The following PEDS1 variants were observed in gnomAD, a reference collection of about 807,000 sequenced individuals.
The protein encoded by PEDS1 is plasmanylethanolamine desaturase 1, also known as CarF homolog.
A neutral mutation model predicts 35.2 loss-of-function variants in PEDS1; 14 were observed. The observed-to-expected ratio is 0.40, with a 90% CI of 0.26 to 0.62. The LOEUF (loss-of-function observed/expected upper bound fraction) is 0.62. Among genes scored for constraint, PEDS1 ranks in the 20% least tolerant of loss-of-function variants. The probability of loss-of-function intolerance (pLI) is 0.44; values close to 1 mark genes in which losing one functional copy is unlikely to be tolerated. For synonymous variants in PEDS1, 152 were observed against 152.0 expected (o/e 1.00, Z 0.00); for missense variants, 260 against 367.8 (o/e 0.71, Z 2.40).
intron 1 of PEDS1, among the ~76,000 whole-genome samples, chr20:50,148,046 T>C (rs929131908): frequency 2.0e-5 from 3 of 152,130 alleles, no homozygotes; most frequent in Non-Finnish European, 4.4e-5. Flanking sequence ...GCCGAGATCG[T>C]GCCACTGTAC....
chr20:50,135,011 C>T (rs1050089982), intron 2 of PEDS1, among the ~76,000 whole-genome samples: 2 of 151,010 alleles, frequency 1.3e-5, no homozygotes, highest in African/African-American at 4.9e-5. Context: ...GGTGAAACCC[C>T]GTCTTTACTA....
At position 50,124,723 on chromosome 20, in the gene PEDS1, G is replaced by A; in HGVS notation, c.*335C>T. On this transcript the variant is annotated 3_prime_UTR_variant, in exon 6 of 6. Coordinates refer to ENST00000371652, the MANE Select transcript of PEDS1 (RefSeq NM_199129.4). ...AAAGAGGCAACTCACTGGCCCCAAC[G>A]CCAGCCACACTGAAGGGCTGCCCAG... The A allele has an allele frequency of 8.2e-6, 2 of 243,008 alleles. No individual in the cohort carries two copies. The highest frequency in any genetic ancestry group is 1.7e-5 in the Non-Finnish European group (2 of 120,250). 15.1% of individuals were successfully genotyped at this position (243,008 alleles called of 1,614,324 possible).
rs2081043796 is a variant in PEDS1, at chr20:50,120,644, G to A, written c.*4414C>T. 1 of 152,064 alleles carries A rather than the reference G, an allele frequency of 6.6e-6. No homozygotes were observed. The highest frequency in any genetic ancestry group is 2.4e-5 in the African/African-American group (1 of 41,364). 9.4% of individuals were successfully genotyped at this position (152,064 alleles called of 1,614,324 possible). A position where few individuals can be genotyped will look rare whatever the true frequency, so the allele number is the denominator to read the frequency against. On this transcript the variant is annotated 3_prime_UTR_variant, in exon 6 of 6. Coordinates refer to ENST00000371652, the MANE Select transcript of PEDS1 (RefSeq NM_199129.4). ...GAGCTCAGGCGTTCGAGACCAGCCT[G>A]GGCAACATGGTGAAACCCCATCTCT...
chr20:50,134,608 G>T (rs2081213610), intron 2 of PEDS1, among the ~76,000 whole-genome samples: 1 of 152,208 alleles, frequency 6.6e-6, no homozygotes, highest in Non-Finnish European at 1.5e-5. Context: ...AGGAGAAGTG[G>T]CTGGATGTCA....
At chr20:50,144,462 G>A (rs1271045766) in intron 1 of PEDS1, among the ~76,000 whole-genome samples, 1 of 152,174 alleles carries the variant, frequency 6.6e-6, no homozygotes, top group East Asian at 1.9e-4. Context: ...GGGGCAGTGG[G>A]GCTTCTAAAA....
At chr20:50,136,149 G>A (rs2081231895) in intron 2 of PEDS1, among the ~76,000 whole-genome samples, 1 of 151,924 alleles carries the variant, frequency 6.6e-6, no homozygotes, top group South Asian at 2.1e-4. Flanking sequence ...CAGGCCCCGT[G>A]CCAACGCCTT....
chr20:50,133,066 C>G (rs527335405), intron 2 of PEDS1, among the ~76,000 whole-genome samples: 1 of 152,140 alleles, frequency 6.6e-6, no homozygotes, highest in Admixed American at 6.5e-5. Flanking sequence ...GTGCCCTCAA[C>G]CCCTTGGTGA....
intron 2 of PEDS1, among the ~76,000 whole-genome samples, chr20:50,139,311 G>A (rs748876417): frequency 7.2e-5 from 11 of 151,964 alleles, no homozygotes; most frequent in Admixed American, 3.3e-4. Context: ...GGGCTCCTAC[G>A]GCCTTCACTT....
At chr20:50,152,934 G>C (rs942634397) in intron 1 of PEDS1, among the ~76,000 whole-genome samples, 1 of 152,072 alleles carries the variant, frequency 6.6e-6, no homozygotes, top group African/African-American at 2.4e-5. Context: ...GGTGTGGGGG[G>C]TACCGTGCAG....
chr20:50,131,158 C>G, intron 2 of PEDS1: 1 of 1,249,036 alleles, frequency 8.0e-7, no homozygotes, highest in East Asian at 2.5e-5. Flanking sequence ...TGCCAAGACT[C>G]ATGTGCTTGG....
intron 1 of PEDS1, among the ~76,000 whole-genome samples, chr20:50,146,832 G>A (rs1183428798): frequency 3.9e-5 from 6 of 152,134 alleles, no homozygotes; most frequent in Non-Finnish European, 7.4e-5. Context: ...CAATTCTCAG[G>A]CGAGGGCTGT....
At chr20:50,132,641 T>A (rs1026462420) in intron 2 of PEDS1, among the ~76,000 whole-genome samples, 1 of 152,182 alleles carries the variant, frequency 6.6e-6, no homozygotes, top group Non-Finnish European at 1.5e-5. Context: ...CTGACTGCTC[T>A]TGTGCTGGTT....
rs746218299 is a variant in PEDS1 at position 50,143,508 on chromosome 20, C to T, written c.235G>A (p.Gly79Ser). The T allele has an allele frequency of 1.6e-5, 25 of 1,606,366 alleles. No individual in the cohort carries two copies. In the East Asian group the frequency reaches 2.0e-4, roughly 13 times the overall value. Residue 79 changes from glycine (G) to serine (S), a missense_variant, in exon 2 of 6, where the codon GGT (glycine) becomes AGT (serine). Transcript: ENST00000371652. ...RWEDTPLVIL[G>S]VVAGALIADF... Reference sequence around the variant, plus strand: ...CAGTGCCTCGGGCACTCACCAACACCGAGTATGACGAGGGGTGTGTCCTCC... The same window carrying T: ...CAGTGCCTCGGGCACTCACCAACACTGAGTATGACGAGGGGTGTGTCCTCC...
At chr20:50,139,815 G>T (rs1438617484) in intron 2 of PEDS1, among the ~76,000 whole-genome samples, 1 of 151,912 alleles carries the variant, frequency 6.6e-6, no homozygotes, top group Non-Finnish European at 1.5e-5. Flanking sequence ...CCAGTAGCTG[G>T]GATTATAGGC....
intron 1 of PEDS1, among the ~76,000 whole-genome samples, chr20:50,146,719 T>C (rs1190084525): frequency 6.6e-6 from 1 of 152,154 alleles, no homozygotes; most frequent in East Asian, 1.9e-4. Context: ...TACATGCCCT[T>C]GGCTCCTTTT....
rs56756656 is a variant in PEDS1, at chr20:50,120,856, G to A, written c.*4202C>T. The A allele has an allele frequency of 0.2, 29,706 of 152,100 alleles. 3,207 individuals are homozygous for A. The highest frequency in any genetic ancestry group is 0.3 in the Admixed American group (4,588 of 15,240). 9.4% of individuals were successfully genotyped at this position (152,100 alleles called of 1,614,324 possible). A position where few individuals can be genotyped will look rare whatever the true frequency, so the allele number is the denominator to read the frequency against. ...CCCGTCTCCAGGAAAAAAAAAAGGC[G>A]GGGTGATGGAGTTTCAGTTGGGGGC... On this transcript the variant is annotated 3_prime_UTR_variant, in exon 6 of 6. Coordinates refer to ENST00000371652, the MANE Select transcript of PEDS1 (RefSeq NM_199129.4).
chr20:50,128,821 C>T lies in PEDS1; in HGVS notation c.479-634G>A, dbSNP rs2081141294. On this transcript the variant is annotated intron_variant, in intron 4 of 5. Transcript: ENST00000371652. The surrounding 1 kb of genome is among the most constrained non-coding windows in gnomAD (Gnocchi z 5.2). Reference sequence around the variant, plus strand: ...GAGGCGTTTCAGTCACTGGCTCCAGCCTTATCCCAAGGAGACAGGTGGGAC... The same window carrying T: ...GAGGCGTTTCAGTCACTGGCTCCAGTCTTATCCCAAGGAGACAGGTGGGAC... Among the ~76,000 whole-genome samples, 1 of 152,204 alleles carries T rather than the reference C, an allele frequency of 6.6e-6. No homozygotes were observed. The highest frequency in any genetic ancestry group is 2.1e-4 in the South Asian group (1 of 4,834).
rs2081148789 is a variant in PEDS1, at chr20:50,129,395, T to C, written c.478+151A>G. 1 of 1,260,386 alleles carries C rather than the reference T, an allele frequency of 7.9e-7. No individual in the cohort carries two copies. Among genetic ancestry groups the C allele is most frequent in the South Asian group, 1.6e-5 (1 of 63,968 alleles). The allele number at this position is 1,260,386 out of a possible 1,614,324, so 78.1% of individuals were successfully genotyped here. ...GAGAAGCTGGAAACCTCCATCTTCA[T>C]GTCAGGTTTCCTGATTTTACATGAA... On this transcript the variant is annotated intron_variant, in intron 4 of 5. Transcript: ENST00000371652. This position sits in a 1 kb window ranked among gnomAD's most constrained non-coding sequence, Gnocchi z 4.2.
chr20:50,136,097 T>A (rs2081230949), intron 2 of PEDS1, among the ~76,000 whole-genome samples: 2 of 151,792 alleles, frequency 1.3e-5, no homozygotes, highest in African/African-American at 4.9e-5. Context: ...ACTACTTTTT[T>A]TAAAAAAAAA....
Sources: allele counts gnomAD v4.1 joint callset (sites outside exome capture counted in the v4.1 genomes callset), GRCh38; gene constraint gnomAD v4.1.1; non-coding constraint Gnocchi (gnomAD v3.1); transcripts MANE v1.5; gene names NCBI Gene and HGNC (gene_info 2026-07-23, HGNC 2026-07-21).